GRIN3A: variants seen among roughly 807,000 people sequenced by gnomAD.
GRIN3A encodes the protein glutamate ionotropic receptor NMDA type subunit 3A, also known as glutamate receptor ionotropic, NMDA 3A.
In GRIN3A, 47 loss-of-function variants were observed where a neutral mutation model predicts 92.4. The ratio of observed to expected loss-of-function variants is 0.51; its 90% confidence interval spans 0.40 to 0.65. The LOEUF is 0.65. Among genes scored for constraint, GRIN3A ranks in the 30% least tolerant of loss-of-function variants. The pLI, the probability that GRIN3A is intolerant of heterozygous loss-of-function variation, is 0.00. For missense variants in GRIN3A, 1,324 were observed against 1,393.1 expected (o/e 0.95, Z 0.79); for synonymous variants, 527 against 540.6 (o/e 0.97, Z 0.35).
chr9:101,642,521 A>C (rs1252818119), intron 3 of GRIN3A, among the ~76,000 whole-genome samples: 2 of 152,206 alleles, frequency 1.3e-5, no homozygotes, highest in African/African-American at 4.8e-5. Flanking sequence ...AAAGTAAATA[A>C]TCAACAAAAT....
intron 8 of GRIN3A, 98 bp from the exon 9 acceptor site, chr9:101,573,611 G>T: frequency 1.0e-6 from 1 of 956,160 alleles, no homozygotes; most frequent in Non-Finnish European, 1.7e-6. Flanking sequence ...ATATGGAGCT[G>T]GGTGTGCATT....
Position 101,686,999 on chromosome 9 carries a change from G to T in GRIN3A, c.901C>A (p.Leu301Ile), listed in dbSNP as rs1265642094. 1 of 1,614,132 alleles carries T rather than the reference G, an allele frequency of 6.2e-7. No homozygotes were observed. Among genetic ancestry groups the T allele is most frequent in the South Asian group, 1.1e-5 (1 of 91,082 alleles). Reference protein sequence around the residue: ...LGSIINITANLPSTQDLLSFL... With the variant: ...LGSIINITANIPSTQDLLSFL... Reference sequence around the variant, plus strand: ...CTCAAGAGGTCCTGGGTGGAGGGGAGGTTAGCGGTGATGTTGATGATAGAA... The same window carrying T: ...CTCAAGAGGTCCTGGGTGGAGGGGATGTTAGCGGTGATGTTGATGATAGAA... Residue 301 changes from leucine (L) to isoleucine (I), a missense_variant, in exon 2 of 9, where the codon CTC (leucine) becomes ATC (isoleucine). Transcript: ENST00000361820.
rs536919123 is a variant in GRIN3A, at chr9:101,694,527, C to T, written c.700-7327G>A. 9.7e-4 allele frequency among the ~76,000 whole-genome samples: 148 copies of T among 152,292 alleles called. 1 individual carries two copies. Among genetic ancestry groups the T allele is most frequent in the Non-Finnish European group, 1.7e-3 (117 of 68,028 alleles). On this transcript the variant is annotated intron_variant, in intron 1 of 8. Transcript: ENST00000361820. Reference sequence around the variant, plus strand: ...TATTGATACCCAACTCATTCATCTACACATCATCCCATTTCTGCCTTTTGT... The same window carrying T: ...TATTGATACCCAACTCATTCATCTATACATCATCCCATTTCTGCCTTTTGT...
chr9:101,709,880 A>G (rs1829858332), intron 1 of GRIN3A, among the ~76,000 whole-genome samples: 1 of 152,210 alleles, frequency 6.6e-6, no homozygotes, highest in African/African-American at 2.4e-5. Flanking sequence ...TTCAGTTATG[A>G]AAGACTCAGA....
At chr9:101,645,265 T>C (rs1828922075) in intron 3 of GRIN3A, among the ~76,000 whole-genome samples, 1 of 151,926 alleles carries the variant, frequency 6.6e-6, no homozygotes, top group Non-Finnish European at 1.5e-5. Flanking sequence ...TGTCTTTCTG[T>C]GCTTGGCTTA....
At chr9:101,621,298 AC>A (rs1191950363) in intron 5 of GRIN3A, among the ~76,000 whole-genome samples, 6 of 147,796 alleles carry the variant, frequency 4.1e-5, no homozygotes, top group African/African-American at 1.3e-4. Context: ...AAAAAAAAAA[AC>A]AATTTGTGAA....
intron 1 of GRIN3A, among the ~76,000 whole-genome samples, chr9:101,722,977 G>A (rs1830032780): frequency 1.3e-5 from 2 of 152,126 alleles, no homozygotes; most frequent in African/African-American, 4.8e-5. Flanking sequence ...AGAGGAGCTG[G>A]GGCAGAATGA....
At chr9:101,729,061 G>T (rs988406414) in intron 1 of GRIN3A, among the ~76,000 whole-genome samples, 2 of 152,148 alleles carry the variant, frequency 1.3e-5, no homozygotes, top group Admixed American at 1.3e-4. Context: ...TACCAACTGG[G>T]TTGTACTTAG....
intron 2 of GRIN3A, among the ~76,000 whole-genome samples, chr9:101,677,054 G>A (rs1829407150): frequency 1.3e-5 from 2 of 150,018 alleles, no homozygotes; most frequent in Non-Finnish European, 3.0e-5. Context: ...TTTCATTCAA[G>A]AGCCCTAAGC....
intron 1 of GRIN3A, among the ~76,000 whole-genome samples, chr9:101,725,720 T>A: frequency 6.6e-6 from 1 of 152,230 alleles, no homozygotes; most frequent in Non-Finnish European, 1.5e-5. Flanking sequence ...GTGTTATGGA[T>A]AGTACTAAGA....
At chr9:101,673,535 A>C (rs1588276956) in intron 2 of GRIN3A, among the ~76,000 whole-genome samples, 1 of 152,282 alleles carries the variant, frequency 6.6e-6, no homozygotes, top group African/African-American at 2.4e-5. Context: ...ATAAGGGTGA[A>C]TCAAAATAAT....
chr9:101,716,711 G>C (rs1025346954), intron 1 of GRIN3A, among the ~76,000 whole-genome samples: 3 of 152,120 alleles, frequency 2.0e-5, no homozygotes, highest in Non-Finnish European at 4.4e-5. Flanking sequence ...AGGCGTTTCT[G>C]GCTAATACTT....
At chr9:101,621,142 G>T (rs1041064086) in intron 5 of GRIN3A, among the ~76,000 whole-genome samples, 1 of 151,824 alleles carries the variant, frequency 6.6e-6, no homozygotes, top group Non-Finnish European at 1.5e-5. Flanking sequence ...AAAATTAGCG[G>T]GGTGTGGTGG....
chr9:101,642,295 C>T (rs1312417525), intron 3 of GRIN3A, among the ~76,000 whole-genome samples: 1 of 151,876 alleles, frequency 6.6e-6, no homozygotes, highest in Non-Finnish European at 1.5e-5. Flanking sequence ...TAATATTTGC[C>T]CTTTACCTGG....
At chr9:101,620,916 T>A (rs1311780451) in intron 5 of GRIN3A, among the ~76,000 whole-genome samples, 1 of 152,128 alleles carries the variant, frequency 6.6e-6, no homozygotes, top group Non-Finnish European at 1.5e-5. Flanking sequence ...CATGAAATTA[T>A]TTCTCTCAAT....
chr9:101,725,375 G>A (rs902797441), intron 1 of GRIN3A, among the ~76,000 whole-genome samples: 2 of 152,166 alleles, frequency 1.3e-5, no homozygotes, highest in African/African-American at 4.8e-5. Flanking sequence ...AGAAGGTAAT[G>A]TGACAATAAG....
At chr9:101,611,543 C>T (rs935744451) in intron 6 of GRIN3A, among the ~76,000 whole-genome samples, 4 of 152,128 alleles carry the variant, frequency 2.6e-5, no homozygotes, top group South Asian at 2.1e-4. Context: ...ATTTCACACC[C>T]GATGTATGCT....
chr9:101,735,623 T>G (rs911459526), intron 1 of GRIN3A, among the ~76,000 whole-genome samples: 1 of 151,922 alleles, frequency 6.6e-6, no homozygotes, highest in Non-Finnish European at 1.5e-5. Context: ...GTGACCACTA[T>G]TGGCCACTTA....
At chr9:101,579,881 A>G (rs1412431810) in intron 6 of GRIN3A, among the ~76,000 whole-genome samples, 4 of 152,166 alleles carry the variant, frequency 2.6e-5, no homozygotes, top group Non-Finnish European at 5.9e-5. Flanking sequence ...GTGACAGCTC[A>G]CCAGTTTCCC....
Sources: gnomAD v4.1 joint callset for allele counts (sites outside exome capture counted in the v4.1 genomes callset) on GRCh38, gnomAD v4.1.1 for gene constraint, MANE v1.5 for transcripts, NCBI Gene and HGNC (gene_info 2026-07-23, HGNC 2026-07-21) for gene names.